IGF2BP3: variants seen among roughly 807,000 people sequenced by gnomAD.
IGF2BP3 encodes the protein insulin-like growth factor 2 mRNA-binding protein 3.
In IGF2BP3, 9 loss-of-function variants were observed where a neutral mutation model predicts 73.8. The observed-to-expected ratio is 0.12, with a 90% CI of 0.07 to 0.21. The LOEUF (loss-of-function observed/expected upper bound fraction) is 0.21, where lower values mean the gene tolerates loss of function less well. Among genes scored for constraint, IGF2BP3 ranks in the 10% least tolerant of loss-of-function variants. The probability of loss-of-function intolerance (pLI) is 1.00; values close to 1 mark genes in which losing one functional copy is unlikely to be tolerated. For missense variants in IGF2BP3, 542 were observed against 714.0 expected, an observed-to-expected ratio of 0.76 and a Z score of 2.75; for synonymous variants, 258 against 256.7, an observed-to-expected ratio of 1.01 and a Z score of -0.05.
intron 2 of IGF2BP3, among the ~76,000 whole-genome samples, chr7:23,462,242 T>TATAC (rs1384014322): frequency 6.6e-6 from 1 of 152,204 alleles, no homozygotes; most frequent in African/African-American, 2.4e-5. Context: ...AGATAACTGA[T>TATAC]ATACCATAAC....
At chr7:23,327,349 C>T (rs1022041888) in intron 10 of IGF2BP3, among the ~76,000 whole-genome samples, 2 of 148,886 alleles carry the variant, frequency 1.3e-5, no homozygotes, top group African/African-American at 2.5e-5. Flanking sequence ...GGCGCAATCT[C>T]GGCTCACTGC....
Position 23,438,622 on chromosome 7 carries a change from A to C in IGF2BP3, c.237-19798T>G, listed in dbSNP as rs530295140. On this transcript the variant is annotated intron_variant, in intron 2 of 14. Transcript: ENST00000258729. The stretch of plus-strand genomic sequence containing the variant: ...AGTGAGACCGACTCTATTTTTAAAA[A>C]ATTTTTTAATTCCTTTCTACTGGGA... Among the ~76,000 whole-genome samples, 98 of 151,912 alleles carry C rather than the reference A, an allele frequency of 6.5e-4. 1 individual carries two copies. The South Asian group carries it at 0.019, about 30-fold the overall frequency.
At chr7:23,366,613 G>A (rs984592133) in intron 3 of IGF2BP3, among the ~76,000 whole-genome samples, 1 of 150,256 alleles carries the variant, frequency 6.7e-6, no homozygotes, top group African/African-American at 2.4e-5. Context: ...GAAGAAATAG[G>A]TGCAGAATCA....
At chr7:23,407,609 C>CAA (rs569308741) in intron 3 of IGF2BP3, among the ~76,000 whole-genome samples, 18 of 89,632 alleles carry the variant, frequency 2.0e-4, no homozygotes, top group African/African-American at 4.2e-4. Flanking sequence ...ACTCTGTCTC[C>CAA]AAAAAAAAAA....
At position 23,411,984 on chromosome 7, in the gene IGF2BP3, CTTTT is replaced by C. The variant is rs767524257; in HGVS notation, c.285+6788_285+6791del. Among the ~76,000 whole-genome samples the C allele has an allele frequency of 1.9e-3, 203 of 104,818 alleles. 2 individuals carry two copies. The highest frequency in any genetic ancestry group is 8.2e-3 in the African/African-American group (191 of 23,374). 68.8% of individuals were successfully genotyped at this position (104,818 alleles called of 152,430 possible). On this transcript the variant is annotated intron_variant, in intron 3 of 14. Coordinates refer to ENST00000258729, the MANE Select transcript of IGF2BP3 (RefSeq NM_006547.3). ...CTTCACTACTTTCCCACTTATTTCT[CTTTT>C]TTTTTTTTTTTTTTTTTTCAGTAGA...
At chr7:23,382,147 G>A (rs1785931061) in intron 3 of IGF2BP3, among the ~76,000 whole-genome samples, 1 of 152,098 alleles carries the variant, frequency 6.6e-6, no homozygotes, top group Non-Finnish European at 1.5e-5. Flanking sequence ...TCAGGAGGCC[G>A]AGGTGGGAGG....
At chr7:23,400,989 G>A (rs12700433) in intron 3 of IGF2BP3, among the ~76,000 whole-genome samples, 37,667 of 151,908 alleles carry the variant, frequency 0.25, 4,881 homozygotes, top group South Asian at 0.33. Context: ...TAGTAGAGAC[G>A]GGGGTTTCAC....
At chr7:23,450,146 A>G (rs947630560) in intron 2 of IGF2BP3, among the ~76,000 whole-genome samples, 1 of 152,192 alleles carries the variant, frequency 6.6e-6, no homozygotes, top group Non-Finnish European at 1.5e-5. Flanking sequence ...AGAATTATGC[A>G]AACTGTTTAA....
chr7:23,344,261 G>A (rs866421505), intron 8 of IGF2BP3, among the ~76,000 whole-genome samples: 1 of 152,210 alleles, frequency 6.6e-6, no homozygotes, highest in African/African-American at 2.4e-5. Context: ...TTCCTAGTCT[G>A]TATTAACCAA....
intron 5 of IGF2BP3, among the ~76,000 whole-genome samples, chr7:23,355,996 TAG>T (rs1014267771): frequency 1.1e-4 from 17 of 149,242 alleles, no homozygotes; most frequent in Admixed American, 1.3e-4. Flanking sequence ...TGGGCCTCAA[TAG>T]AGACAATAAA....
At chr7:23,370,283 G>T (rs891692249) in intron 3 of IGF2BP3, among the ~76,000 whole-genome samples, 7 of 152,144 alleles carry the variant, frequency 4.6e-5, no homozygotes, top group African/African-American at 1.4e-4. Context: ...TGATGTGATT[G>T]TCAGGTGTGT....
intron 2 of IGF2BP3, among the ~76,000 whole-genome samples, chr7:23,439,271 G>T (rs1787874008): frequency 6.6e-6 from 1 of 152,156 alleles, no homozygotes; most frequent in East Asian, 1.9e-4. Context: ...TGACATGTTT[G>T]GCCGGGCACG....
At chr7:23,434,710 G>A (rs1167381763) in intron 2 of IGF2BP3, among the ~76,000 whole-genome samples, 1 of 152,098 alleles carries the variant, frequency 6.6e-6, no homozygotes, top group Non-Finnish European at 1.5e-5. Context: ...AAAACACAAT[G>A]CAAATGCAAT....
chr7:23,321,438 G>C (rs446729), intron 10 of IGF2BP3, among the ~76,000 whole-genome samples: 11,614 of 151,326 alleles, frequency 0.077, 914 homozygotes, highest in African/African-American at 0.2. Context: ...ACGGAGTCTC[G>C]CTGATTGCTA....
At chr7:23,315,361 G>C (rs1238280108) in intron 12 of IGF2BP3, among the ~76,000 whole-genome samples, 1 of 152,106 alleles carries the variant, frequency 6.6e-6, no homozygotes, top group African/African-American at 2.4e-5. Flanking sequence ...ACCCACCTAG[G>C]CCTCTCAAAG....
At chr7:23,407,722 G>C (rs960073440) in intron 3 of IGF2BP3, among the ~76,000 whole-genome samples, 1 of 151,770 alleles carries the variant, frequency 6.6e-6, no homozygotes, top group Non-Finnish European at 1.5e-5. Flanking sequence ...TCCAGAAAAG[G>C]TAAACATGTT....
At chr7:23,429,428 G>A (rs887464948) in intron 2 of IGF2BP3, among the ~76,000 whole-genome samples, 2 of 152,092 alleles carry the variant, frequency 1.3e-5, no homozygotes, top group Non-Finnish European at 2.9e-5. Flanking sequence ...TGTGTGGCAG[G>A]GTCAGCATAT....
chr7:23,389,534 T>C (rs1189886345), intron 3 of IGF2BP3, among the ~76,000 whole-genome samples: 2 of 149,428 alleles, frequency 1.3e-5, no homozygotes, highest in African/African-American at 4.9e-5. Flanking sequence ...ATGCAATATA[T>C]TCAGTACTGT....
intron 3 of IGF2BP3, among the ~76,000 whole-genome samples, chr7:23,400,952 A>C (rs1176611575): frequency 6.6e-6 from 1 of 152,156 alleles, no homozygotes. Flanking sequence ...AGCACGTGCC[A>C]CCACACAAGG....
Sources: gnomAD v4.1 joint callset for allele counts (sites outside exome capture counted in the v4.1 genomes callset) on GRCh38, gnomAD v4.1.1 for gene constraint, MANE v1.5 for transcripts, NCBI Gene and HGNC (gene_info 2026-07-23, HGNC 2026-07-21) for gene names.